Variants in SLC8A3 observed in about 807,000 individuals in gnomAD.
SLC8A3 encodes the protein solute carrier family 8 member A3.
In SLC8A3, 37 loss-of-function variants were observed where a neutral mutation model predicts 65.4. The observed-to-expected ratio is 0.57, with a 90% CI of 0.44 to 0.74. The LOEUF (loss-of-function observed/expected upper bound fraction) is 0.74. SLC8A3 is among the 30% of genes least tolerant of loss of function. SLC8A3 has a pLI of 0.00. For missense variants in SLC8A3, 1,112 were observed against 1,172.1 expected (o/e 0.95, Z 0.75); for synonymous variants, 461 against 444.5 (o/e 1.04, Z -0.47).
chr14:70,121,201 T>C (rs1894028908), intron 2 of SLC8A3, among the ~76,000 whole-genome samples: 1 of 152,186 alleles, frequency 6.6e-6, no homozygotes, highest in South Asian at 2.1e-4. Flanking sequence ...ACAGCTCATC[T>C]GATTCCCCTT....
chr14:70,048,457 C>T (rs1887048290), intron 6 of SLC8A3: 5 of 596,118 alleles, frequency 8.4e-6, no homozygotes, highest in Non-Finnish European at 1.5e-5. Context: ...GCCTCAGTTT[C>T]TTTGTCTGTG....
chr14:70,168,441 G>T lies in SLC8A3; in HGVS notation c.-19C>A. The T allele has an allele frequency of 6.3e-7, 1 of 1,591,152 alleles. No homozygotes were observed. Among genetic ancestry groups the T allele is most frequent in the Non-Finnish European group, 8.6e-7 (1 of 1,164,490 alleles). On this transcript the variant is annotated 5_prime_UTR_variant, in exon 2 of 7. Transcript: ENST00000356921. The stretch of plus-strand genomic sequence containing the variant: ...ACGCCATACACGAGACTTAGCCACT[G>T]GCTTCTATTGCAGCACCAGTTGTCC...
At chr14:70,111,790 G>A (rs1300280235) in intron 2 of SLC8A3, among the ~76,000 whole-genome samples, 1 of 152,200 alleles carries the variant, frequency 6.6e-6, no homozygotes, top group Non-Finnish European at 1.5e-5. Context: ...ATATGATAAG[G>A]TGACAGTGGA....
intron 2 of SLC8A3, among the ~76,000 whole-genome samples, chr14:70,125,906 G>A (rs1231492888): frequency 6.6e-6 from 1 of 152,196 alleles, no homozygotes; most frequent in African/African-American, 2.4e-5. Flanking sequence ...AAGGACAGTG[G>A]ATCACAGAAG....
chr14:70,097,913 T>A (rs1383242642), intron 2 of SLC8A3, among the ~76,000 whole-genome samples: 1 of 151,938 alleles, frequency 6.6e-6, no homozygotes, highest in Non-Finnish European at 1.5e-5. Context: ...TAGGTGTGCT[T>A]TCTCTGACCC....
intron 2 of SLC8A3, among the ~76,000 whole-genome samples, chr14:70,096,006 C>T (rs1892152208): frequency 6.6e-6 from 1 of 152,118 alleles, no homozygotes; most frequent in Non-Finnish European, 1.5e-5. Context: ...CTCAGCCTCC[C>T]AAGTAGCTGG....
chr14:70,134,752 C>G (rs1007664041), intron 2 of SLC8A3, among the ~76,000 whole-genome samples: 1 of 152,176 alleles, frequency 6.6e-6, no homozygotes, highest in Non-Finnish European at 1.5e-5. Context: ...AAGCATACAT[C>G]ACACCAGTCC....
intron 2 of SLC8A3, among the ~76,000 whole-genome samples, chr14:70,141,934 G>A (rs1442730003): frequency 6.6e-6 from 1 of 152,180 alleles, no homozygotes; most frequent in Non-Finnish European, 1.5e-5. Flanking sequence ...CCACCTAGCT[G>A]TTAACCCTAG....
rs1036141161 is a variant in SLC8A3, at chr14:70,080,212, A to G, written c.1785-19273T>C. On this transcript the variant is annotated intron_variant, in intron 2 of 6. Coordinates refer to ENST00000356921, the MANE Select transcript of SLC8A3 (RefSeq NM_182932.3). Reference sequence around the variant, plus strand: ...TGCTGGAAGAGTTGATACTCAGACTATATTTAGATGCCTTAGCGCTTTCAT... The same window carrying G: ...TGCTGGAAGAGTTGATACTCAGACTGTATTTAGATGCCTTAGCGCTTTCAT... 3.6e-5 allele frequency: 35 copies of G among 985,294 alleles called. No homozygotes were observed. The African/African-American group carries it at 4.9e-4, about 14-fold the overall frequency. The allele number at this position is 985,294 out of a possible 1,614,324, so 61.0% of individuals were successfully genotyped here.
intron 2 of SLC8A3, among the ~76,000 whole-genome samples, chr14:70,162,574 G>A (rs567307908): frequency 6.6e-6 from 1 of 152,278 alleles, no homozygotes; most frequent in East Asian, 1.9e-4. Flanking sequence ...GGCATCAAAG[G>A]TCCAAGAGCT....
intron 1 of SLC8A3, among the ~76,000 whole-genome samples, chr14:70,182,491 G>A (rs1882837786): frequency 6.6e-6 from 1 of 152,140 alleles, no homozygotes; most frequent in South Asian, 2.1e-4. Flanking sequence ...AGAGCTCTGT[G>A]TGAAAGAAGC....
intron 2 of SLC8A3, among the ~76,000 whole-genome samples, chr14:70,126,570 T>TCTCTCTCTCACACACA (rs1385909771): frequency 6.0e-5 from 7 of 116,994 alleles, no homozygotes; most frequent in African/African-American, 1.9e-4. Flanking sequence ...TCTCTCTCTC[T>TCTCTCTCTCACACACA]CACACACACA....
intron 2 of SLC8A3, among the ~76,000 whole-genome samples, chr14:70,141,511 A>G (rs1349949047): frequency 6.6e-6 from 1 of 152,150 alleles, no homozygotes; most frequent in East Asian, 1.9e-4. Flanking sequence ...CTGGCTTTGG[A>G]GCTTAGTCAG....
chr14:70,146,490 G>A (rs1222773580), intron 2 of SLC8A3, among the ~76,000 whole-genome samples: 1 of 152,150 alleles, frequency 6.6e-6, no homozygotes, highest in Admixed American at 6.6e-5. Context: ...AAAGGAAGCA[G>A]AGCTCTTGCT....
At chr14:70,071,905 G>A (rs750604887) in intron 2 of SLC8A3, among the ~76,000 whole-genome samples, 17 of 152,160 alleles carry the variant, frequency 1.1e-4, no homozygotes, top group Admixed American at 5.9e-4. Flanking sequence ...TTCGGGGTGC[G>A]TGTGAGAACG....
At chr14:70,065,883 T>C (rs188058928) in intron 2 of SLC8A3, among the ~76,000 whole-genome samples, 77 of 152,306 alleles carry the variant, frequency 5.1e-4, no homozygotes, top group African/African-American at 1.7e-3. Context: ...TGAAACAGTA[T>C]GATAAATCCT....
intron 1 of SLC8A3, among the ~76,000 whole-genome samples, chr14:70,174,254 A>G (rs117247108): frequency 4.1e-3 from 627 of 152,340 alleles, no homozygotes; most frequent in Non-Finnish European, 7.5e-3. Context: ...AGCTCTACAT[A>G]CAGGCAGAAT....
chr14:70,062,960 G>A (rs1259168144), intron 2 of SLC8A3, among the ~76,000 whole-genome samples: 2 of 152,142 alleles, frequency 1.3e-5, no homozygotes, highest in African/African-American at 4.8e-5. Context: ...GCAGCTCCCT[G>A]CTCCACAGTA....
At chr14:70,163,583 CGGTTTCCAGACT>C (rs1897004255) in intron 2 of SLC8A3, among the ~76,000 whole-genome samples, 2 of 152,198 alleles carry the variant, frequency 1.3e-5, no homozygotes, top group Non-Finnish European at 2.9e-5. Flanking sequence ...CTATCCATTT[CGGTTTCCAGACT>C]GGTGTGGCAA....
Sources: allele counts gnomAD v4.1 joint callset (sites outside exome capture counted in the v4.1 genomes callset), GRCh38; gene constraint gnomAD v4.1.1; transcripts MANE v1.5; gene names NCBI Gene and HGNC (gene_info 2026-07-23, HGNC 2026-07-21).